Variants in SYNC observed in about 807,000 individuals in gnomAD.
SYNC encodes syncoilin.
Under a neutral mutation model 49.5 loss-of-function variants are expected in SYNC, and 38 were observed. That is an observed-to-expected ratio of 0.77 (90% CI 0.59 to 1.01). The LOEUF (loss-of-function observed/expected upper bound fraction) is 1.01, where lower values mean the gene tolerates loss of function less well. Among genes scored for constraint, SYNC ranks in the 50% least tolerant of loss-of-function variants. The probability of loss-of-function intolerance (pLI) is 0.00; values close to 1 mark genes in which losing one functional copy is unlikely to be tolerated. For synonymous variants in SYNC, 201 were observed against 230.8 expected (o/e 0.87, Z 1.17); for missense variants, 579 against 580.6 (o/e 1.00, Z 0.03).
In SYNC at chr1:32,684,171, T is replaced by G. The variant is rs551304558; in HGVS notation, c.1359-82A>C. On this transcript the variant is annotated intron_variant, in intron 3 of 4. Coordinates refer to ENST00000409190, the MANE Select transcript of SYNC (RefSeq NM_030786.3). Reference sequence around the variant, plus strand: ...CATTTCCCAAATCCTCTTTTTGTTTTTGATTCTAAGGTAAAATTTTCCCTA... The same window carrying G: ...CATTTCCCAAATCCTCTTTTTGTTTGTGATTCTAAGGTAAAATTTTCCCTA... 5 of 1,606,274 alleles carry G rather than the reference T, an allele frequency of 3.1e-6. No individual in the cohort carries two copies. In the South Asian group the frequency reaches 5.5e-5, roughly 18 times the overall value.
chr1:32,696,616 A>G (rs2148561362), intron 1 of SYNC, among the ~76,000 whole-genome samples: 1 of 151,936 alleles, frequency 6.6e-6, no homozygotes, highest in South Asian at 2.1e-4. Flanking sequence ...CGCCCGGCTA[A>G]TTTTTGTATT....
At chr1:32,699,586 C>A (rs570245466) in intron 1 of SYNC, among the ~76,000 whole-genome samples, 1 of 152,020 alleles carries the variant, frequency 6.6e-6, no homozygotes, top group Non-Finnish European at 1.5e-5. Flanking sequence ...AGGACTTCCT[C>A]CTCTCCTCAC....
chr1:32,680,744 C>A lies in SYNC; in HGVS notation c.*1106G>T. The A allele has an allele frequency of 1.9e-6, 1 of 535,264 alleles. No individual in the cohort carries two copies. The highest frequency in any genetic ancestry group is 3.3e-6 in the Non-Finnish European group (1 of 302,030). The allele number at this position is 535,264 out of a possible 1,614,324, so 33.2% of individuals were successfully genotyped here. A position where few individuals can be genotyped will look rare whatever the true frequency, so the allele number is the denominator to read the frequency against. ...GAGTCCTTCAGATGACAGTTGTTGTCCATGGTCTTTGACTATCAAGAGCAG... is the reference window on the plus strand; with the variant it reads ...GAGTCCTTCAGATGACAGTTGTTGTACATGGTCTTTGACTATCAAGAGCAG... On this transcript the variant is annotated 3_prime_UTR_variant, in exon 5 of 5. Transcript: ENST00000409190.
intron 2 of SYNC, chr1:32,686,224 C>T (rs1043684534): frequency 2.0e-5 from 3 of 152,240 alleles, no homozygotes; most frequent in Admixed American, 6.5e-5. Flanking sequence ...TCATCTGTTT[C>T]TTTTTTTAAT....
chr1:32,688,324 G>A (rs184884475), intron 2 of SYNC, among the ~76,000 whole-genome samples: 1 of 151,928 alleles, frequency 6.6e-6, no homozygotes, highest in African/African-American at 2.4e-5. Context: ...GAGATGTAAG[G>A]ACTAAAGGAA....
chr1:32,698,704 T>C (rs898057994), intron 1 of SYNC, among the ~76,000 whole-genome samples: 4 of 152,084 alleles, frequency 2.6e-5, no homozygotes, highest in Non-Finnish European at 4.4e-5. Flanking sequence ...CAGTTCCCAC[T>C]GGGGAGTGTT....
rs1372208852 is a variant in SYNC at position 32,684,015 on chromosome 1, G to T, written c.1433C>A (p.Ser478Tyr). The change falls in exon 4 of 5, where the codon TCT becomes TAT. Residue 478 changes from serine to tyrosine, a missense_variant. By Grantham distance (144) the Ser-to-Tyr change is moderately radical (BLOSUM62 -2). Coordinates refer to ENST00000409190, the MANE Select transcript of SYNC (RefSeq NM_030786.3). ...TSQAGGMETQ[S>Y]QGAV is the part of the protein sequence containing the mutation. The stretch of plus-strand genomic sequence containing the variant: ...CTTCTCTTCACAAAGATCACCTTGA[G>T]ACTGTGTCTCCATTCCACCTGCCTG... 2 of 1,614,008 alleles carry T rather than the reference G, an allele frequency of 1.2e-6. No individual in the cohort carries two copies. Among genetic ancestry groups the T allele is most frequent in the Non-Finnish European group, 1.7e-6 (2 of 1,179,870 alleles).
intron 2 of SYNC, chr1:32,685,166 C>T (rs1649738746): frequency 6.6e-6 from 1 of 152,120 alleles, no homozygotes; most frequent in Non-Finnish European, 1.5e-5. Context: ...TTTTTCATTA[C>T]ACAAAAAGAC....
Position 32,695,472 on chromosome 1 carries a change from T to C in SYNC, c.626A>G (p.Gln209Arg). The C allele has an allele frequency of 6.4e-6, 10 of 1,551,514 alleles. No homozygotes were observed. The highest frequency in any genetic ancestry group is 8.7e-6 in the Non-Finnish European group (10 of 1,146,988). The change falls in exon 2 of 5, where the codon CAG becomes CGG. Residue 209 changes from glutamine to arginine, a missense_variant. Coordinates refer to ENST00000409190, the MANE Select transcript of SYNC (RefSeq NM_030786.3). Reference protein sequence around the residue: ...ELVLLREPALQEVQQVHQDIL... With the variant: ...ELVLLREPALREVQQVHQDIL... ...GTCTTGATGGACTTGCTGTACCTCC[T>C]GCAGGGCTGGTTCCCGGAGCAATAC...
chr1:32,692,410 A>G (rs1390680675), intron 2 of SYNC, among the ~76,000 whole-genome samples: 1 of 152,144 alleles, frequency 6.6e-6, no homozygotes, highest in African/African-American at 2.4e-5. Flanking sequence ...CTGTGAACCA[A>G]TTTTTTAAAA....
chr1:32,696,165 G>T, intron 1 of SYNC, 121 bp from the exon 2 acceptor site: 2 of 763,614 alleles, frequency 2.6e-6, no homozygotes, highest in Non-Finnish European at 4.1e-6. Flanking sequence ...CCATTCGTCT[G>T]CTCCCTCCAC....
In SYNC at chr1:32,684,064, C is replaced by T; in HGVS notation, c.1384G>A (p.Glu462Lys). ...YKAMLLPKSL[E>K]QADAPTSQAG... ...TGAGAAGTGGGAGCATCAGCCTGTT[C>T]CAGGCTCTTGGGTAGTAGCATAGCC... Residue 462 changes from glutamate to lysine, a missense_variant, in exon 4 of 5, where the codon GAA becomes AAA. Physicochemically the swap from Glu to Lys is moderately conservative, Grantham distance 56. Transcript: ENST00000409190. The T allele has an allele frequency of 3.1e-6, 5 of 1,614,092 alleles. No individual in the cohort carries two copies. Among genetic ancestry groups the T allele is most frequent in the Non-Finnish European group, 4.2e-6 (5 of 1,180,008 alleles).
chr1:32,686,747 T>G (rs886324990), intron 2 of SYNC, among the ~76,000 whole-genome samples: 18 of 152,146 alleles, frequency 1.2e-4, no homozygotes, highest in Admixed American at 6.5e-5. Context: ...TATGGGAGTA[T>G]TATTAATCTC....
chr1:32,685,304 G>A (rs1649749780), intron 2 of SYNC: 1 of 152,164 alleles, frequency 6.6e-6, no homozygotes, highest in South Asian at 2.1e-4. Context: ...TCCCTGCCTA[G>A]GATGTATACC....
chr1:32,684,432 C>G (rs759336273), intron 2 of SYNC, 50 bp from the exon 3 acceptor site: 9 of 1,612,214 alleles, frequency 5.6e-6, no homozygotes, highest in Non-Finnish European at 7.6e-6. Flanking sequence ...AATAAAAACT[C>G]ACATTGTCCA....
At position 32,683,934 on chromosome 1, in the gene SYNC, G is replaced by T. The variant is rs922866883; in HGVS notation, c.1438+76C>A. 4.0e-6 allele frequency: 6 copies of T among 1,489,418 alleles called. No individual in the cohort carries two copies. In the South Asian group the frequency reaches 6.8e-5, roughly 17 times the overall value. 92.3% of individuals were successfully genotyped at this position (1,489,418 alleles called of 1,614,324 possible). On this transcript the variant is annotated intron_variant, in intron 4 of 4. Coordinates refer to ENST00000409190, the MANE Select transcript of SYNC (RefSeq NM_030786.3). ...AGGCGTGAGCCACCCCGTCCGGCCT[G>T]TTTTTAAGGCATTAATTAGTATTGT...
chr1:32,702,935 C>G (rs113089999), upstream of SYNC: 826 of 165,606 alleles, frequency 5.0e-3, 11 homozygotes, highest in African/African-American at 0.019. The surrounding 1 kb of genome is among the most constrained non-coding windows in gnomAD (Gnocchi z 6.2). Flanking sequence ...TCCCAGCCCC[C>G]TCGTCTTCCC....
At chr1:32,692,737 C>G (rs1178353669) in intron 2 of SYNC, among the ~76,000 whole-genome samples, 1 of 151,316 alleles carries the variant, frequency 6.6e-6, no homozygotes, top group Non-Finnish European at 1.5e-5. Flanking sequence ...GCCTGTGTGA[C>G]AGAGCGAGAC....
At chr1:32,694,470 C>G (rs1650307885) in intron 2 of SYNC, among the ~76,000 whole-genome samples, 1 of 151,898 alleles carries the variant, frequency 6.6e-6, no homozygotes, top group Non-Finnish European at 1.5e-5. Context: ...TGGTTAACAA[C>G]AGTGAAACCC....
Sources: allele counts gnomAD v4.1 joint callset (sites outside exome capture counted in the v4.1 genomes callset), GRCh38; gene constraint gnomAD v4.1.1; non-coding constraint Gnocchi (gnomAD v3.1); transcripts MANE v1.5; gene names NCBI Gene and HGNC (gene_info 2026-07-23, HGNC 2026-07-21).